Variants in TXLNB observed in about 807,000 individuals in gnomAD.
TXLNB encodes the protein beta-taxilin.
A neutral mutation model predicts 57.4 loss-of-function variants in TXLNB; 37 were observed. That is an observed-to-expected ratio of 0.64 (90% CI 0.50 to 0.85). The LOEUF (loss-of-function observed/expected upper bound fraction) is 0.85. TXLNB is among the 40% of genes least tolerant of loss of function. The probability of loss-of-function intolerance (pLI) is 0.00; values close to 1 mark genes in which losing one functional copy is unlikely to be tolerated. For synonymous variants in TXLNB, 302 were observed against 309.6 expected (o/e 0.98, Z 0.26); for missense variants, 848 against 825.6 (o/e 1.03, Z -0.33).
the TXLNB span, among the ~76,000 whole-genome samples, chr6:139,193,840 ATT>A: frequency 0.025 from 2,090 of 85,112 alleles, 57 homozygotes; most frequent in African/African-American, 0.075. Flanking sequence ...ATATATATAT[ATT>A]TTTTTTTTTT....
the TXLNB span, among the ~76,000 whole-genome samples, chr6:139,321,633 C>CTTT: frequency 6.7e-3 from 562 of 84,342 alleles, 9 homozygotes; most frequent in African/African-American, 0.021. Flanking sequence ...ACTACTCTCT[C>CTTT]TTTTTTTTTT....
chr6:139,166,449 A>G, the TXLNB span: 1 of 1,614,190 alleles, frequency 6.2e-7, no homozygotes, highest in Non-Finnish European at 8.5e-7. Context: ...GTCCAGTTCA[A>G]CTGCATCGGC....
chr6:139,266,965 GAA>G (rs201223278), intron 4 of TXLNB, among the ~76,000 whole-genome samples: 2 of 110,486 alleles, frequency 1.8e-5, no homozygotes, highest in Non-Finnish European at 4.0e-5. Flanking sequence ...AGGCTAAAAG[GAA>G]AAAAAAAAAA....
the TXLNB span, among the ~76,000 whole-genome samples, chr6:139,225,328 AC>A: frequency 6.6e-6 from 1 of 152,176 alleles, no homozygotes; most frequent in Non-Finnish European, 1.5e-5. Context: ...TCTTCCAAGT[AC>A]AATAATGCAA....
chr6:139,236,600 T>G (rs552827266), downstream of TXLNB, among the ~76,000 whole-genome samples: 13 of 152,290 alleles, frequency 8.5e-5, no homozygotes, highest in South Asian at 2.7e-3. Context: ...TCCTGAGGCC[T>G]CCCAAGCCAT....
At chr6:139,284,272 G>A (rs1270391858) in intron 2 of TXLNB, among the ~76,000 whole-genome samples, 1 of 145,382 alleles carries the variant, frequency 6.9e-6, no homozygotes, top group Non-Finnish European at 1.5e-5. Flanking sequence ...GCTCACGGCT[G>A]TAATCCCAGC....
chr6:139,207,921 C>A, the TXLNB span, among the ~76,000 whole-genome samples: 1 of 152,042 alleles, frequency 6.6e-6, no homozygotes, highest in South Asian at 2.1e-4. Flanking sequence ...ACTAAAAGTA[C>A]AAAAATTAGC....
chr6:139,159,397 CACTT>C, the TXLNB span: 5 of 152,164 alleles, frequency 3.3e-5, no homozygotes, highest in African/African-American at 1.2e-4. Context: ...ATAACCAGTT[CACTT>C]TTACACAGCT....
the TXLNB span, chr6:139,176,983 G>A: frequency 1.1e-6 from 1 of 872,770 alleles, no homozygotes; most frequent in East Asian, 2.4e-5. The surrounding 1 kb of genome is among the most constrained non-coding windows in gnomAD (Gnocchi z 4.5). Context: ...GGTGATCGAC[G>A]TGAGGATCGG....
downstream of TXLNB, among the ~76,000 whole-genome samples, chr6:139,237,963 T>C (rs1247892891): frequency 6.6e-6 from 1 of 152,204 alleles, no homozygotes; most frequent in Non-Finnish European, 1.5e-5. Context: ...GTGAATAATT[T>C]TTGTGCCATA....
chr6:139,247,532 C>CTTTTTTTTTT (rs61368061), intron 8 of TXLNB, among the ~76,000 whole-genome samples: 9 of 63,084 alleles, frequency 1.4e-4, no homozygotes, highest in Non-Finnish European at 2.5e-4. Flanking sequence ...CTCTGGTCTT[C>CTTTTTTTTTT]TTTTTTTTTT....
chr6:139,208,250 A>C, the TXLNB span, among the ~76,000 whole-genome samples: 2 of 152,236 alleles, frequency 1.3e-5, no homozygotes, highest in African/African-American at 4.8e-5. Flanking sequence ...TCAGGAAAAA[A>C]ATGGAAACTC....
intron 7 of TXLNB, among the ~76,000 whole-genome samples, chr6:139,253,290 A>G (rs1226535999): frequency 6.6e-6 from 1 of 152,226 alleles, no homozygotes; most frequent in Non-Finnish European, 1.5e-5. Flanking sequence ...ATATGCATTA[A>G]CTGATTTTCC....
chr6:139,210,550 G>T, the TXLNB span, among the ~76,000 whole-genome samples: 1 of 152,200 alleles, frequency 6.6e-6, no homozygotes, highest in Non-Finnish European at 1.5e-5. Flanking sequence ...AGCTCCTAGC[G>T]TGAGCGACGC....
upstream of TXLNB, among the ~76,000 whole-genome samples, chr6:139,296,530 T>C (rs1304625792): frequency 1.3e-5 from 2 of 152,054 alleles, no homozygotes; most frequent in Non-Finnish European, 2.9e-5. Flanking sequence ...ATTTATTATT[T>C]TGGATGCTTA....
chr6:139,247,532 CTTT>C (rs61368061), intron 8 of TXLNB, among the ~76,000 whole-genome samples: 2 of 63,074 alleles, frequency 3.2e-5, no homozygotes, highest in Non-Finnish European at 6.2e-5. Context: ...CTCTGGTCTT[CTTT>C]TTTTTTTTTT....
the TXLNB span, among the ~76,000 whole-genome samples, chr6:139,311,616 G>A: frequency 2.6e-5 from 4 of 152,128 alleles, no homozygotes; most frequent in Non-Finnish European, 1.5e-5. Flanking sequence ...ATTGTTGTTA[G>A]TTTCATTTTT....
At position 139,242,033 on chromosome 6, in the gene TXLNB, A is replaced by C. The variant is rs1582985685; in HGVS notation, c.*493T>G. The C allele has an allele frequency of 7.4e-6, 1 of 135,906 alleles. No homozygotes were observed. Among genetic ancestry groups the C allele is most frequent in the Middle Eastern group, 3.6e-3 (1 of 280 alleles). The allele number at this position is 135,906 out of a possible 1,614,324, so 8.4% of individuals were successfully genotyped here. On this transcript the variant is annotated 3_prime_UTR_variant, in exon 10 of 10. Coordinates refer to ENST00000358430, the MANE Select transcript of TXLNB (RefSeq NM_153235.4). ...TAAACAAATATTCACACATCTATAC[A>C]TACGTGTATATATACATATAATAAG...
At chr6:139,163,930 C>A in the TXLNB span, among the ~76,000 whole-genome samples, 3 of 152,122 alleles carry the variant, frequency 2.0e-5, no homozygotes, top group Non-Finnish European at 4.4e-5. Context: ...CATGTCTCCT[C>A]CACCTCAGTG....
Sources: allele counts gnomAD v4.1 joint callset (sites outside exome capture counted in the v4.1 genomes callset), GRCh38; gene constraint gnomAD v4.1.1; non-coding constraint Gnocchi (gnomAD v3.1); transcripts MANE v1.5; gene names NCBI Gene and HGNC (gene_info 2026-07-23, HGNC 2026-07-21).